The following PGR variants were observed in gnomAD, a reference collection of about 807,000 sequenced individuals.
PGR encodes the protein progesterone receptor, also known as nuclear receptor subfamily 3 group C member 3.
PGR carries 25 observed loss-of-function variants against 76.1 expected under a neutral mutation model. That is an observed-to-expected ratio of 0.33 (90% CI 0.24 to 0.46). PGR has a LOEUF of 0.46. PGR is among the 20% of genes least tolerant of loss of function. PGR has a pLI of 1.00. For synonymous variants in PGR, 579 were observed against 535.0 expected (o/e 1.08, Z -1.14); for missense variants, 1,172 against 1,225.3 (o/e 0.96, Z 0.65).
At chr11:101,054,364 T>C (rs1202988998) in intron 4 of PGR, among the ~76,000 whole-genome samples, 5 of 152,204 alleles carry the variant, frequency 3.3e-5, no homozygotes, top group African/African-American at 4.8e-5. Context: ...TTTATCATTT[T>C]TTAATTTGCA....
chr11:101,060,306 A>G (rs1467025865), intron 4 of PGR, among the ~76,000 whole-genome samples: 1 of 151,818 alleles, frequency 6.6e-6, no homozygotes, highest in East Asian at 1.9e-4. Context: ...TTTATTACAC[A>G]TGAGTGAATG....
At chr11:101,102,191 T>TA (rs747469209) in intron 2 of PGR, among the ~76,000 whole-genome samples, 17 of 152,116 alleles carry the variant, frequency 1.1e-4, no homozygotes, top group Non-Finnish European at 1.8e-4. Flanking sequence ...GGATCCTGAA[T>TA]AAAAAAACAT....
chr11:101,031,532 C>T lies in PGR; in HGVS notation c.*7584G>A. ...AACCTACTGCTCACCAGTGCTCCCT[C>T]CTCAGCTCCAAGGCTGTGGAGGGCT... On this transcript the variant is annotated 3_prime_UTR_variant, in exon 8 of 8. Coordinates refer to ENST00000325455, the MANE Select transcript of PGR (RefSeq NM_000926.4). The T allele has an allele frequency of 4.4e-6, 1 of 228,396 alleles. No individual in the cohort carries two copies. The highest frequency in any genetic ancestry group is 8.7e-6 in the Non-Finnish European group (1 of 115,146). 14.1% of individuals were successfully genotyped at this position (228,396 alleles called of 1,614,324 possible).
At chr11:101,104,918 T>A (rs1341871795) in intron 2 of PGR, among the ~76,000 whole-genome samples, 1 of 152,178 alleles carries the variant, frequency 6.6e-6, no homozygotes, top group East Asian at 1.9e-4. Context: ...ATGTGTTAAG[T>A]GAGACACTGG....
intron 3 of PGR, among the ~76,000 whole-genome samples, chr11:101,082,528 G>T (rs1445386226): frequency 6.6e-6 from 1 of 152,216 alleles, no homozygotes; most frequent in Non-Finnish European, 1.5e-5. Flanking sequence ...TGGACAATGA[G>T]TCTAGGCTTA....
chr11:101,043,734 G>T (rs950026197), intron 6 of PGR, among the ~76,000 whole-genome samples: 1 of 152,136 alleles, frequency 6.6e-6, no homozygotes, highest in Non-Finnish European at 1.5e-5. Flanking sequence ...TAATCTCCTT[G>T]TATATATCCA....
rs80306864 is a variant in PGR, at chr11:101,086,780, T to C, written c.1906+4980A>G. On this transcript the variant is annotated intron_variant, in intron 3 of 7. Transcript: ENST00000325455. ...CATGTAAAAATTAGTACCATTTCTA[T>C]ACAACTATAGCATTCAAGGTGAGAG... 9.0e-3 allele frequency among the ~76,000 whole-genome samples: 1,373 copies of C among 152,300 alleles called. 15 individuals are homozygous for C. The highest frequency in any genetic ancestry group is 0.032 in the African/African-American group (1,317 of 41,574).
intron 3 of PGR, among the ~76,000 whole-genome samples, chr11:101,065,630 G>A (rs533091839): frequency 1.1e-4 from 17 of 152,182 alleles, no homozygotes; most frequent in African/African-American, 3.9e-4. Flanking sequence ...GAAAAATAAC[G>A]ACACCTGGTA....
intron 6 of PGR, among the ~76,000 whole-genome samples, chr11:101,049,539 T>C (rs1053376806): frequency 1.3e-5 from 2 of 152,170 alleles, no homozygotes; most frequent in African/African-American, 4.8e-5. Context: ...TTATGGTGGC[T>C]ATAACAGGAC....
At position 101,129,027 on chromosome 11, in the gene PGR, G is replaced by A. The variant is rs1328901959; in HGVS notation, c.44C>T (p.Ala15Val). 1.9e-6 allele frequency: 3 copies of A among 1,566,222 alleles called. No individual in the cohort carries two copies. Among genetic ancestry groups the A allele is most frequent in the African/African-American group, 1.4e-5 (1 of 73,820 alleles). Residue 15 changes from alanine to valine, a missense_variant, in exon 1 of 8, where the codon GCG becomes GTG. By Grantham distance (64) the Ala-to-Val change is moderately conservative. Coordinates refer to ENST00000325455, the MANE Select transcript of PGR (RefSeq NM_000926.4). ...GACCTCGGGGGAGGGCGGGCCGCCC[G>A]CCACGTGGGGAGCCCGGGGACCCTT... is the stretch of plus-strand genomic sequence containing the variant. ...KAKGPRAPHV[A>V]GGPPSPEVGS...
At chr11:101,114,185 T>C (rs1862431537) in intron 2 of PGR, among the ~76,000 whole-genome samples, 1 of 152,230 alleles carries the variant, frequency 6.6e-6, no homozygotes, top group Non-Finnish European at 1.5e-5. Flanking sequence ...TAGATCTTCC[T>C]GTCCTATACT....
chr11:101,124,137 A>G (rs1862766431), intron 2 of PGR, among the ~76,000 whole-genome samples: 1 of 152,088 alleles, frequency 6.6e-6, no homozygotes, highest in African/African-American at 2.4e-5. Flanking sequence ...ATCTTAAGTA[A>G]CTCTTTGTAA....
chr11:101,052,642 G>A (rs1300918478), intron 4 of PGR, among the ~76,000 whole-genome samples: 1 of 152,092 alleles, frequency 6.6e-6, no homozygotes, highest in East Asian at 1.9e-4. Context: ...GTGGATTCAA[G>A]GGAATAAGTC....
intron 3 of PGR, among the ~76,000 whole-genome samples, chr11:101,076,980 C>T (rs868866994): frequency 1.0e-5 from 1 of 100,082 alleles, no homozygotes; most frequent in Non-Finnish European, 2.1e-5. Flanking sequence ...CTCATAATTA[C>T]CTCTTTTCCA....
At chr11:101,048,100 C>A (rs1241769116) in intron 6 of PGR, among the ~76,000 whole-genome samples, 3 of 152,090 alleles carry the variant, frequency 2.0e-5, no homozygotes, top group Non-Finnish European at 4.4e-5. Flanking sequence ...GGTTTGCAAG[C>A]CACTAGGAAG....
At chr11:101,049,874 T>G in intron 6 of PGR, 55 bp downstream of exon 6, 1 of 1,491,530 alleles carries the variant, frequency 6.7e-7, no homozygotes, top group Non-Finnish European at 9.3e-7. Flanking sequence ...TTTGCAACTT[T>G]TCTAATGAAT....
At chr11:101,099,116 G>T (rs1030570572) in intron 2 of PGR, among the ~76,000 whole-genome samples, 1 of 152,090 alleles carries the variant, frequency 6.6e-6, no homozygotes, top group African/African-American at 2.4e-5. Flanking sequence ...ATTTGTACAA[G>T]AATATTTATA....
At chr11:101,063,024 C>G (rs1349966294) in intron 3 of PGR, 12 of 333,828 alleles carry the variant, frequency 3.6e-5, no homozygotes, top group Non-Finnish European at 5.5e-5. Context: ...GTAATTATAC[C>G]AGTATTCTGC....
chr11:101,098,689 A>G (rs1232856803), intron 2 of PGR, among the ~76,000 whole-genome samples: 1 of 152,242 alleles, frequency 6.6e-6, no homozygotes, highest in Non-Finnish European at 1.5e-5. Flanking sequence ...TACAGATATA[A>G]GAAATGCCTA....
Sources: gnomAD v4.1 joint callset for allele counts (sites outside exome capture counted in the v4.1 genomes callset) on GRCh38, gnomAD v4.1.1 for gene constraint, MANE v1.5 for transcripts, NCBI Gene and HGNC (gene_info 2026-07-23, HGNC 2026-07-21) for gene names.